Variants in TANC1 observed in about 807,000 individuals in gnomAD.
The protein encoded by TANC1 is tetratricopeptide repeat, ankyrin repeat and coiled-coil containing 1, also known as protein TANC1.
TANC1 carries 77 observed loss-of-function variants against 149.7 expected under a neutral mutation model. That is an observed-to-expected ratio of 0.51 (90% CI 0.43 to 0.62). The LOEUF (loss-of-function observed/expected upper bound fraction) is 0.62, where lower values mean the gene tolerates loss of function less well. Ranked by LOEUF, TANC1 falls within the 20% of genes least tolerant of loss-of-function variation. TANC1 has a pLI of 0.00. For missense variants in TANC1, 1,985 were observed against 2,321.8 expected (o/e 0.85, Z 2.98); for synonymous variants, 854 against 925.0 (o/e 0.92, Z 1.39).
Position 159,163,299 on chromosome 2 carries a change from A to G in TANC1, c.699A>G (p.Ser233=). ...TCATTTCAGCCACAATTACAAGTTC[A>G]TCCGAAAATGATGACCGGAGTGGCT... ...DSGIIATITS[S]SENDDRSGSS... The change falls in exon 8 of 27, where the codon TCA becomes TCG. Residue 233 remains serine (S), a synonymous_variant. Coordinates refer to ENST00000263635, the MANE Select transcript of TANC1 (RefSeq NM_033394.3). 6.2e-7 allele frequency: 1 copy of G among 1,613,496 alleles called. No homozygotes were observed. The highest frequency in any genetic ancestry group is 2.2e-5 in the East Asian group (1 of 44,874).
In TANC1 at chr2:159,061,963, C is replaced by A. The variant is rs114227080; in HGVS notation, c.-15-3933C>A. ...GGTCTATAATATAAAGTAGGCCGGG[C>A]GTGGTAGTTCACACCTGTAATCCCA... is the stretch of plus-strand genomic sequence containing the variant. On this transcript the variant is annotated intron_variant, in intron 2 of 26. Coordinates refer to ENST00000263635, the MANE Select transcript of TANC1 (RefSeq NM_033394.3). Among the ~76,000 whole-genome samples the A allele has an allele frequency of 5.2e-3, 785 of 152,254 alleles. 2 individuals are homozygous for A. The highest frequency in any genetic ancestry group is 0.018 in the African/African-American group (757 of 41,540).
At chr2:159,161,297 CA>C (rs2054023489) in intron 7 of TANC1, among the ~76,000 whole-genome samples, 2 of 152,240 alleles carry the variant, frequency 1.3e-5, no homozygotes, top group South Asian at 2.1e-4. Flanking sequence ...TCCAATGTAA[CA>C]GCCACAAAAA....
chr2:159,112,585 A>G lies in TANC1; in HGVS notation c.259+14751A>G, dbSNP rs1305782535. Among the ~76,000 whole-genome samples, 7 of 126,108 alleles carry G rather than the reference A, an allele frequency of 5.6e-5. No individual in the cohort carries two copies. In the East Asian group the frequency reaches 1.5e-3, roughly 28 times the overall value. The allele number at this position is 126,108 out of a possible 152,430, so 82.7% of individuals were successfully genotyped here. On this transcript the variant is annotated intron_variant, in intron 4 of 26. Transcript: ENST00000263635. ...TTTTTTTTTTTTTTCTCGTTTTCCT[A>G]AGAGACAGGTTCTTGCTTTGTCGCT...
intron 3 of TANC1, among the ~76,000 whole-genome samples, chr2:159,071,306 G>A (rs952779615): frequency 6.6e-6 from 1 of 152,098 alleles, no homozygotes; most frequent in Non-Finnish European, 1.5e-5. Context: ...AATAAAAACT[G>A]TTTATGTTAA....
chr2:159,074,050 A>G, intron 3 of TANC1, among the ~76,000 whole-genome samples: 1 of 152,184 alleles, frequency 6.6e-6, no homozygotes, highest in South Asian at 2.1e-4. Context: ...TCAGCATCAA[A>G]TTGAGAAACC....
intron 4 of TANC1, among the ~76,000 whole-genome samples, chr2:159,129,101 C>CGAAA (rs2049805915): frequency 6.6e-6 from 1 of 152,150 alleles, no homozygotes; most frequent in South Asian, 2.1e-4. Context: ...TGTCACTTTT[C>CGAAA]ACAGCCTCCA....
At chr2:159,061,855 A>C (rs780964435) in intron 2 of TANC1, among the ~76,000 whole-genome samples, 1 of 152,206 alleles carries the variant, frequency 6.6e-6, no homozygotes, top group African/African-American at 2.4e-5. Context: ...CCTTTGTTCT[A>C]CTTGCTGTCA....
At chr2:159,027,453 T>A (rs200985703) in intron 2 of TANC1, among the ~76,000 whole-genome samples, 2 of 152,224 alleles carry the variant, frequency 1.3e-5, no homozygotes, top group South Asian at 2.1e-4. Context: ...GTTCCTCATT[T>A]CCGTCTGAGA....
At chr2:159,177,475 A>G (rs1276632768) in intron 13 of TANC1, among the ~76,000 whole-genome samples, 1 of 152,202 alleles carries the variant, frequency 6.6e-6, no homozygotes, top group Non-Finnish European at 1.5e-5. Context: ...TCATTATAAA[A>G]ACTGAAATTA....
At chr2:159,205,122 A>G (rs897226223) in intron 19 of TANC1, among the ~76,000 whole-genome samples, 1 of 152,134 alleles carries the variant, frequency 6.6e-6, no homozygotes, top group Non-Finnish European at 1.5e-5. Context: ...GTCCTGTTGT[A>G]TTTGACACTT....
chr2:159,170,602 CTG>C lies in TANC1; in HGVS notation c.1152_1153del (p.Phe385CysfsTer65). 1 of 1,614,152 alleles carries C rather than the reference CTG, an allele frequency of 6.2e-7. No individual in the cohort carries two copies. Among genetic ancestry groups the C allele is most frequent in the Non-Finnish European group, 8.5e-7 (1 of 1,180,034 alleles). ...GAAGTACCAAGCATAACAACAGACT[CTG>C]TGTTTGTGGGAAGGGATTGGCTCTT... is the stretch of plus-strand genomic sequence containing the variant. On this transcript the variant is annotated frameshift_variant, in exon 10 of 27. Coordinates refer to ENST00000263635, the MANE Select transcript of TANC1 (RefSeq NM_033394.3). LOFTEE classifies it high-confidence loss of function.
chr2:159,140,946 C>T (rs1044092664), intron 5 of TANC1, among the ~76,000 whole-genome samples: 5 of 152,090 alleles, frequency 3.3e-5, no homozygotes, highest in Non-Finnish European at 5.9e-5. Context: ...CCGCCTTGGC[C>T]TCCCAAAGTG....
intron 5 of TANC1, among the ~76,000 whole-genome samples, chr2:159,146,183 C>A (rs926702391): frequency 5.9e-5 from 9 of 152,176 alleles, no homozygotes; most frequent in Non-Finnish European, 4.4e-5. Flanking sequence ...TGACACTTCT[C>A]CCAGGCGGTC....
At chr2:158,999,939 A>G (rs1456797334) in intron 1 of TANC1, among the ~76,000 whole-genome samples, 2 of 152,174 alleles carry the variant, frequency 1.3e-5, no homozygotes, top group Non-Finnish European at 1.5e-5. Flanking sequence ...GGGTTCAAGG[A>G]GGAGGTAATT....
chr2:159,054,595 A>G (rs1288522166), intron 2 of TANC1, among the ~76,000 whole-genome samples: 1 of 152,174 alleles, frequency 6.6e-6, no homozygotes, highest in Non-Finnish European at 1.5e-5. Context: ...GCTGCCTTTC[A>G]CAGGCATCTT....
chr2:159,214,016 C>G (rs2059176188), intron 19 of TANC1, among the ~76,000 whole-genome samples: 1 of 151,060 alleles, frequency 6.6e-6, no homozygotes, highest in Admixed American at 6.6e-5. Context: ...ATCCCAGCTA[C>G]TTGGGAGGCT....
chr2:159,091,964 G>GGGC (rs2045592680), intron 3 of TANC1, among the ~76,000 whole-genome samples: 1 of 144,122 alleles, frequency 6.9e-6, no homozygotes, highest in Non-Finnish European at 1.5e-5. Flanking sequence ...GTAAATATAG[G>GGGC]GGGGGGTGTG....
At chr2:159,225,807 A>G (rs1348824467) in intron 24 of TANC1, 28 bp downstream of exon 24, 15 of 1,542,520 alleles carry the variant, frequency 9.7e-6, no homozygotes, top group Non-Finnish European at 1.3e-5. Context: ...TTTCTTTGCC[A>G]TTGAAACTGC....
chr2:158,987,820 C>T (rs563711422), intron 1 of TANC1, among the ~76,000 whole-genome samples: 3 of 152,236 alleles, frequency 2.0e-5, no homozygotes, highest in East Asian at 1.9e-4. Context: ...GTCAGAACAC[C>T]TGGACTTGAG....
Sources: gnomAD v4.1 joint callset for allele counts (sites outside exome capture counted in the v4.1 genomes callset) on GRCh38, gnomAD v4.1.1 for gene constraint, MANE v1.5 for transcripts, NCBI Gene and HGNC (gene_info 2026-07-23, HGNC 2026-07-21) for gene names.